Variants in KSR1 observed in about 807,000 individuals in gnomAD.
KSR1 encodes kinase suppressor of ras 1.
KSR1 carries 35 observed loss-of-function variants against 92.9 expected under a neutral mutation model. The ratio of observed to expected loss-of-function variants is 0.38; its 90% CI spans 0.29 to 0.50. The LOEUF is 0.50. KSR1 is among the 20% of genes least tolerant of loss of function. KSR1 has a pLI of 0.94. For synonymous variants in KSR1, 467 were observed against 472.6 expected (o/e 0.99, Z 0.15); for missense variants, 972 against 1,158.5 (o/e 0.84, Z 2.34).
At chr17:27,560,639 G>C (rs1261561917) in intron 2 of KSR1, among the ~76,000 whole-genome samples, 2 of 152,220 alleles carry the variant, frequency 1.3e-5, no homozygotes, top group Admixed American at 6.5e-5. Flanking sequence ...TGGACACCAG[G>C]AATGTAGGCT....
At chr17:27,562,881 A>C in intron 2 of KSR1, among the ~76,000 whole-genome samples, 1 of 152,168 alleles carries the variant, frequency 6.6e-6, no homozygotes, top group East Asian at 1.9e-4. Flanking sequence ...AATTTTGACA[A>C]AATTCTTCCT....
At chr17:27,581,656 G>A (rs1174367462) in intron 3 of KSR1, among the ~76,000 whole-genome samples, 1 of 152,060 alleles carries the variant, frequency 6.6e-6, no homozygotes, top group South Asian at 2.1e-4. Context: ...CTGATTTAAG[G>A]TCTGCTCTTC....
At position 27,583,069 on chromosome 17, in the gene KSR1, A is replaced by T; in HGVS notation, c.944A>T (p.Gln315Leu). 6.3e-7 allele frequency: 1 copy of T among 1,593,982 alleles called. No individual in the cohort carries two copies. Among genetic ancestry groups the T allele is most frequent in the Non-Finnish European group, 8.6e-7 (1 of 1,168,974 alleles). Reference protein sequence around the residue: ...TLTRSKSHESQLGNRIDDVSS... With the variant: ...TLTRSKSHESLLGNRIDDVSS... ...ACCCGGAGCAAGTCCCATGAGTCTCAGCTGGGGAACCGCATTGATGACGTC... is the reference window on the plus strand; with the variant it reads ...ACCCGGAGCAAGTCCCATGAGTCTCTGCTGGGGAACCGCATTGATGACGTC... Residue 315 changes from glutamine (Q) to leucine (L), a missense_variant, in exon 4 of 21, where the codon CAG (glutamine) becomes CTG (leucine). Gln to Leu is a moderately radical substitution (Grantham distance 113, BLOSUM62 -2). Transcript: ENST00000644974.
At chr17:27,496,720 C>A (rs372225522) in intron 1 of KSR1, among the ~76,000 whole-genome samples, 1 of 152,248 alleles carries the variant, frequency 6.6e-6, no homozygotes, top group African/African-American at 2.4e-5. Flanking sequence ...TCAAGCCAGG[C>A]AGTGGCAGTG....
chr17:27,495,644 A>G (rs1018950537), intron 1 of KSR1, among the ~76,000 whole-genome samples: 3 of 152,206 alleles, frequency 2.0e-5, no homozygotes, highest in Non-Finnish European at 4.4e-5. Flanking sequence ...ACCAGGTAAC[A>G]CATGACTGCC....
At chr17:27,567,432 A>G (rs1379066990) in intron 2 of KSR1, among the ~76,000 whole-genome samples, 1 of 152,152 alleles carries the variant, frequency 6.6e-6, no homozygotes, top group African/African-American at 2.4e-5. Flanking sequence ...CTCTTTTTTA[A>G]AAAAAGTTGT....
chr17:27,463,726 G>A (rs2019555707), intron 1 of KSR1, among the ~76,000 whole-genome samples: 1 of 152,218 alleles, frequency 6.6e-6, no homozygotes, highest in Non-Finnish European at 1.5e-5. Flanking sequence ...TCCAGAGACT[G>A]ATCAGCTTTG....
chr17:27,542,362 G>A (rs1312371941), intron 1 of KSR1, among the ~76,000 whole-genome samples: 1 of 152,194 alleles, frequency 6.6e-6, no homozygotes, highest in East Asian at 1.9e-4. Context: ...GTTAACATCT[G>A]TGACATCTGT....
intron 4 of KSR1, chr17:27,584,017 T>C: frequency 1.0e-6 from 1 of 974,566 alleles, no homozygotes; most frequent in Non-Finnish European, 1.2e-6. Flanking sequence ...TTGTATAGTT[T>C]ATCTTGTCCC....
intron 1 of KSR1, among the ~76,000 whole-genome samples, chr17:27,507,144 A>G (rs952453072): frequency 2.6e-5 from 4 of 152,178 alleles, no homozygotes; most frequent in African/African-American, 9.7e-5. Context: ...AATGTAAAAG[A>G]TCTCTTTAGG....
chr17:27,491,342 TG>T (rs2068822839), intron 1 of KSR1, among the ~76,000 whole-genome samples: 1 of 33,906 alleles, frequency 2.9e-5, no homozygotes, highest in African/African-American at 7.0e-5. Context: ...TGTGTGTGTG[TG>T]TGTGTGTGTT....
chr17:27,585,413 A>G (rs2072928757), intron 4 of KSR1, among the ~76,000 whole-genome samples: 3 of 152,088 alleles, frequency 2.0e-5, no homozygotes, highest in Non-Finnish European at 4.4e-5. Context: ...TAAAGTGCAC[A>G]GCACTGAGTT....
intron 1 of KSR1, 107 bp from the exon 2 acceptor site, chr17:27,550,461 T>C: frequency 1.4e-6 from 1 of 705,876 alleles, no homozygotes; most frequent in Non-Finnish European, 2.6e-6. Flanking sequence ...GCCCCTTCCC[T>C]CATCACATTG....
intron 1 of KSR1, among the ~76,000 whole-genome samples, chr17:27,477,280 A>G (rs887377835): frequency 2.0e-5 from 3 of 152,160 alleles, no homozygotes. Flanking sequence ...AAAGTGCCTA[A>G]CCATCTGGGA....
intron 2 of KSR1, among the ~76,000 whole-genome samples, chr17:27,572,372 A>G (rs2948522): frequency 0.44 from 66,649 of 152,040 alleles, 14,773 homozygotes; most frequent in Non-Finnish European, 0.48. Context: ...GGCATCTCCT[A>G]TGATGGTCTG....
At position 27,609,320 on chromosome 17, in the gene KSR1, G is replaced by C; in HGVS notation, c.2216G>C (p.Arg739Pro). The change falls in exon 16 of 21, where the codon CGA (arginine) becomes CCA (proline). Residue 739 changes from arginine (R) to proline (P), a missense_variant. This residue lies in a region of KSR1 where 260 missense variants were observed against 375.2 expected (regional missense o/e 0.69). Coordinates refer to ENST00000644974, the MANE Select transcript of KSR1 (RefSeq NM_001394583.1). ...FGLFGISGVVREGRRENQLKL... is the reference protein window; with the variant it reads ...FGLFGISGVVPEGRRENQLKL... ...CTGTTTGGGATCTCAGGCGTGGTCC[G>C]AGAGGGACGGTGAGTTGGTCTTGAG... The C allele has an allele frequency of 1.9e-6, 3 of 1,613,958 alleles. No individual in the cohort carries two copies. Among genetic ancestry groups the C allele is most frequent in the South Asian group, 2.2e-5 (2 of 91,076 alleles).
At chr17:27,522,946 T>A (rs2070102251) in intron 1 of KSR1, among the ~76,000 whole-genome samples, 1 of 152,122 alleles carries the variant, frequency 6.6e-6, no homozygotes, top group South Asian at 2.1e-4. Context: ...AAAAAAAGGA[T>A]CCTGCTACCA....
intron 1 of KSR1, among the ~76,000 whole-genome samples, chr17:27,511,507 C>A (rs575514971): frequency 6.6e-6 from 1 of 152,262 alleles, no homozygotes; most frequent in Admixed American, 6.5e-5. Flanking sequence ...AAGAAAACAG[C>A]CTGCTCTCTG....
At chr17:27,507,874 C>T (rs1301932011) in intron 1 of KSR1, among the ~76,000 whole-genome samples, 2 of 152,042 alleles carry the variant, frequency 1.3e-5, no homozygotes, top group African/African-American at 4.8e-5. Flanking sequence ...TGTGCCTGGC[C>T]TTTGTTTGGC....
Sources: gnomAD v4.1 joint callset for allele counts (sites outside exome capture counted in the v4.1 genomes callset) on GRCh38, gnomAD v4.1.1 for gene constraint, gnomAD v4.1.1 regional missense constraint, MANE v1.5 for transcripts, NCBI Gene and HGNC (gene_info 2026-07-23, HGNC 2026-07-21) for gene names.